CDH2: variants seen among roughly 807,000 people sequenced by gnomAD.
CDH2 encodes the protein cadherin-2.
CDH2 carries 17 observed loss-of-function variants against 92.0 expected under a neutral mutation model. That is an observed-to-expected ratio of 0.18 (90% confidence interval 0.13 to 0.28). The LOEUF (loss-of-function observed/expected upper bound fraction) is 0.28. Among genes scored for constraint, CDH2 ranks in the 10% least tolerant of loss-of-function variants. The probability of loss-of-function intolerance (pLI) is 1.00; values close to 1 mark genes in which losing one functional copy is unlikely to be tolerated. For missense variants in CDH2, 862 were observed against 1,133.1 expected (o/e 0.76, Z 3.44); for synonymous variants, 419 against 415.9 (o/e 1.01, Z -0.09).
At chr18:28,165,451 C>T (rs1182489969) in intron 1 of CDH2, among the ~76,000 whole-genome samples, 2 of 152,184 alleles carry the variant, frequency 1.3e-5, no homozygotes, top group African/African-American at 4.8e-5. Context: ...CTCAGCCTCC[C>T]AAAGTATTGG....
chr18:28,129,762 G>A (rs8095341), intron 2 of CDH2, among the ~76,000 whole-genome samples: 35,001 of 152,162 alleles, frequency 0.23, 4,535 homozygotes, highest in Non-Finnish European at 0.3. Context: ...TCAGGAGGCT[G>A]CAGCTGCAGT....
In CDH2 at chr18:27,985,162, T is replaced by C. The variant is rs1367227912; in HGVS notation, c.2047A>G (p.Thr683Ala). 2 of 1,613,706 alleles carry C rather than the reference T, an allele frequency of 1.2e-6. No homozygotes were observed. Among genetic ancestry groups the C allele is most frequent in the Non-Finnish European group, 1.7e-6 (2 of 1,179,718 alleles). The change falls in exon 13 of 16, where the codon ACA becomes GCA. Residue 683 changes from threonine (T) to alanine (A), a missense_variant. Physicochemically the swap from Thr to Ala is moderately conservative, Grantham distance 58. Transcript: ENST00000269141. Reference protein sequence around the residue: ...AGIYEVPIIITDSGNPPKSNI... With the variant: ...AGIYEVPIIIADSGNPPKSNI... ...GATTTGGGAGGATTACCCGAATCTG[T>C]GATTATGATGGGAACTTCATAGATA...
At chr18:28,129,977 C>T (rs17469133) in intron 2 of CDH2, among the ~76,000 whole-genome samples, 3 of 152,266 alleles carry the variant, frequency 2.0e-5, no homozygotes, top group Non-Finnish European at 4.4e-5. Flanking sequence ...ACATTAAGCA[C>T]AGTGTCCCTG....
intron 2 of CDH2, among the ~76,000 whole-genome samples, chr18:28,147,355 T>C (rs1002089283): frequency 6.6e-6 from 1 of 152,118 alleles, no homozygotes; most frequent in Non-Finnish European, 1.5e-5. Flanking sequence ...AACTAGATGT[T>C]TCATATTCTT....
intron 2 of CDH2, among the ~76,000 whole-genome samples, chr18:28,095,772 TGTACTC>T (rs2015121103): frequency 7.5e-6 from 1 of 133,970 alleles, no homozygotes; most frequent in Non-Finnish European, 1.5e-5. Flanking sequence ...ATCATGTGAC[TGTACTC>T]CAGCCTGGGC....
At chr18:28,043,890 A>AT (rs67532914) in intron 2 of CDH2, among the ~76,000 whole-genome samples, 5,315 of 90,772 alleles carry the variant, frequency 0.059, 811 homozygotes, top group Non-Finnish European at 0.084. Flanking sequence ...AGAATCTCGG[A>AT]TTTTTTTTTT....
At chr18:27,993,437 T>G in intron 8 of CDH2, 63 bp downstream of exon 8, 1 of 1,532,638 alleles carries the variant, frequency 6.5e-7, no homozygotes, top group South Asian at 1.2e-5. Context: ...TTATTATTCA[T>G]GACCAACCTT....
intron 6 of CDH2, among the ~76,000 whole-genome samples, chr18:28,003,435 C>T (rs892599225): frequency 6.6e-6 from 1 of 152,066 alleles, no homozygotes; most frequent in Non-Finnish European, 1.5e-5. Flanking sequence ...AAGATAAATT[C>T]ACTTTATGAT....
chr18:28,016,801 C>T (rs573100824), intron 2 of CDH2, among the ~76,000 whole-genome samples: 1 of 151,978 alleles, frequency 6.6e-6, no homozygotes, highest in South Asian at 2.1e-4. Context: ...GAGAATAATG[C>T]CAAATTTAGA....
intron 6 of CDH2, among the ~76,000 whole-genome samples, chr18:27,941,149 C>T (rs908725944): frequency 2.6e-5 from 4 of 151,464 alleles, no homozygotes; most frequent in Non-Finnish European, 5.9e-5. Context: ...CATTCTCCTG[C>T]CTCAGCCTCC....
At chr18:28,133,379 C>A (rs1031397773) in intron 2 of CDH2, among the ~76,000 whole-genome samples, 6 of 151,592 alleles carry the variant, frequency 4.0e-5, no homozygotes, top group Non-Finnish European at 2.9e-5. Flanking sequence ...GTCAGGAGAT[C>A]GAGACCATCC....
At position 28,062,153 on chromosome 18, in the gene CDH2, T is replaced by A. The variant is rs147640703; in HGVS notation, c.173-48244A>T. 1.4e-3 allele frequency among the ~76,000 whole-genome samples: 209 copies of A among 152,320 alleles called. 2 individuals carry two copies. The highest frequency in any genetic ancestry group is 4.7e-3 in the African/African-American group (197 of 41,580). On this transcript the variant is annotated intron_variant, in intron 2 of 15. Transcript: ENST00000269141. ...CCAGTCTTTAAGTTTTACAAACAGA[T>A]ACAATGAACAGCCTTATTTTTTGCA...
intron 2 of CDH2, among the ~76,000 whole-genome samples, chr18:28,083,786 T>C (rs2014876021): frequency 6.6e-6 from 1 of 152,196 alleles, no homozygotes; most frequent in African/African-American, 2.4e-5. Flanking sequence ...CTGAGGCAAA[T>C]GGACATAAGA....
intron 2 of CDH2, among the ~76,000 whole-genome samples, chr18:28,091,491 C>G (rs958836894): frequency 6.6e-5 from 10 of 152,156 alleles, no homozygotes; most frequent in African/African-American, 2.4e-4. Flanking sequence ...AAACCTTATT[C>G]ATTTCTCTTA....
At chr18:28,077,333 T>C (rs2014739757) in intron 2 of CDH2, among the ~76,000 whole-genome samples, 1 of 152,084 alleles carries the variant, frequency 6.6e-6, no homozygotes, top group African/African-American at 2.4e-5. Flanking sequence ...CAGAATCTCC[T>C]AAACGAACAA....
chr18:28,110,344 G>T (rs779542340), intron 2 of CDH2, among the ~76,000 whole-genome samples: 2 of 152,178 alleles, frequency 1.3e-5, no homozygotes, highest in Non-Finnish European at 2.9e-5. Context: ...TGAGCCCTTT[G>T]TGAGATGCTG....
intron 2 of CDH2, among the ~76,000 whole-genome samples, chr18:28,033,927 CTT>C (rs1400594257): frequency 3.3e-5 from 5 of 151,964 alleles, no homozygotes; most frequent in Admixed American, 1.3e-4. Context: ...CAATGGTAGT[CTT>C]ATGTATTTTA....
intron 10 of CDH2, among the ~76,000 whole-genome samples, chr18:27,989,759 T>C (rs1163107673): frequency 6.6e-6 from 1 of 152,174 alleles, no homozygotes; most frequent in East Asian, 1.9e-4. Flanking sequence ...GTTATAAGCC[T>C]CTGAAAGTTC....
intron 1 of CDH2, among the ~76,000 whole-genome samples, chr18:28,161,956 A>G (rs2016312747): frequency 6.6e-6 from 1 of 152,236 alleles, no homozygotes; most frequent in African/African-American, 2.4e-5. Flanking sequence ...AAGCTTCGAC[A>G]GATGGGAGCA....
Sources: gnomAD v4.1 joint callset for allele counts (sites outside exome capture counted in the v4.1 genomes callset) on GRCh38, gnomAD v4.1.1 for gene constraint, MANE v1.5 for transcripts, NCBI Gene and HGNC (gene_info 2026-07-23, HGNC 2026-07-21) for gene names.